The following DENND1B variants were observed in gnomAD, a reference collection of about 807,000 sequenced individuals.
DENND1B encodes DENN domain containing 1B, also known as DENN domain-containing protein 1B.
A neutral mutation model predicts 90.1 loss-of-function variants in DENND1B; 59 were observed. That is an observed-to-expected ratio of 0.65 (90% CI 0.53 to 0.81). DENND1B has a LOEUF of 0.81. Ranked by LOEUF, DENND1B falls within the 40% of genes least tolerant of loss-of-function variation. The pLI is 0.00. For synonymous variants in DENND1B, 337 were observed against 324.6 expected, an observed-to-expected ratio of 1.04 and a Z score of -0.41; for missense variants, 862 against 912.6, an observed-to-expected ratio of 0.94 and a Z score of 0.71.
chr1:197,752,654 T>C (rs185965143), intron 2 of DENND1B, among the ~76,000 whole-genome samples: 7 of 152,120 alleles, frequency 4.6e-5, no homozygotes. Context: ...TTCTTTATTA[T>C]TATTATACTT....
chr1:197,527,274 T>G (rs1417696632), intron 20 of DENND1B, among the ~76,000 whole-genome samples: 1 of 151,948 alleles, frequency 6.6e-6, no homozygotes, highest in Non-Finnish European at 1.5e-5. Flanking sequence ...TTCACTTAAC[T>G]TATTTCAAAA....
Position 197,506,371 on chromosome 1 carries a change from C to G in DENND1B, c.*4089G>C, listed in dbSNP as rs1203883363. On this transcript the variant is annotated 3_prime_UTR_variant, in exon 23 of 23. Coordinates refer to ENST00000620048, the MANE Select transcript of DENND1B (RefSeq NM_001195215.2). ...TTTGACCCAGGAACATTAGTACTGA[C>G]ATAGGGTTTGTAAAAACTATTTCCT... The G allele has an allele frequency of 6.6e-6, 1 of 151,474 alleles. No homozygotes were observed. The highest frequency in any genetic ancestry group is 1.5e-5 in the Non-Finnish European group (1 of 67,612). 9.4% of individuals were successfully genotyped at this position (151,474 alleles called of 1,614,324 possible).
chr1:197,505,032 TCTAA>T lies in DENND1B; in HGVS notation c.*5424_*5427del, dbSNP rs1667664787. The T allele has an allele frequency of 6.6e-6, 1 of 151,742 alleles. No homozygotes were observed. Among genetic ancestry groups the T allele is most frequent in the Non-Finnish European group, 1.5e-5 (1 of 67,844 alleles). The allele number at this position is 151,742 out of a possible 1,614,324, so 9.4% of individuals were successfully genotyped here. On this transcript the variant is annotated 3_prime_UTR_variant, in exon 23 of 23. Coordinates refer to ENST00000620048, the MANE Select transcript of DENND1B (RefSeq NM_001195215.2). ...TTCAGTCCTTTTAAATAGTTTTTCA[TCTAA>T]CGCAAGAGAAATAAACTTTGGAAAA... is the stretch of plus-strand genomic sequence containing the variant.
chr1:197,750,636 TAAGAC>T (rs1266568806), intron 2 of DENND1B, among the ~76,000 whole-genome samples: 3 of 151,456 alleles, frequency 2.0e-5, no homozygotes, highest in Non-Finnish European at 4.4e-5. Flanking sequence ...AGTTTAGACA[TAAGAC>T]AATTTAGAAA....
chr1:197,583,013 G>A (rs374947073), intron 15 of DENND1B, 139 bp downstream of exon 15: 17 of 689,358 alleles, frequency 2.5e-5, no homozygotes, highest in South Asian at 8.3e-5. Context: ...AACTAGCTAC[G>A]ACTTACAAAA....
At chr1:197,667,622 G>A (rs1260238921) in intron 5 of DENND1B, among the ~76,000 whole-genome samples, 3 of 151,980 alleles carry the variant, frequency 2.0e-5, no homozygotes, top group African/African-American at 7.2e-5. Context: ...TAGAGACGGG[G>A]TTTCTTGACC....
chr1:197,759,490 A>C (rs1385992285), intron 2 of DENND1B, among the ~76,000 whole-genome samples: 1 of 151,582 alleles, frequency 6.6e-6, no homozygotes, highest in African/African-American at 2.4e-5. Flanking sequence ...TTCCAAAATG[A>C]AAGTATCTGC....
chr1:197,676,800 A>G (rs1270808038), intron 3 of DENND1B, among the ~76,000 whole-genome samples: 2 of 152,154 alleles, frequency 1.3e-5, no homozygotes, highest in Non-Finnish European at 2.9e-5. Flanking sequence ...AGGACTGATG[A>G]AAATTTATAT....
intron 2 of DENND1B, chr1:197,734,073 C>G: frequency 1.0e-6 from 1 of 954,362 alleles, no homozygotes; most frequent in African/African-American, 1.8e-5. Flanking sequence ...AATTCTGCTA[C>G]TGTATTTTTC....
intron 14 of DENND1B, among the ~76,000 whole-genome samples, chr1:197,587,913 A>G (rs1165352272): frequency 1.3e-5 from 2 of 152,056 alleles, no homozygotes; most frequent in Admixed American, 6.6e-5. Context: ...ATCATCAGGC[A>G]TTAGATTCTC....
chr1:197,740,205 G>C (rs1437489297), intron 2 of DENND1B, among the ~76,000 whole-genome samples: 1 of 152,164 alleles, frequency 6.6e-6, no homozygotes, highest in Non-Finnish European at 1.5e-5. Flanking sequence ...AAGTGTATTA[G>C]AAGTAAACAA....
intron 18 of DENND1B, among the ~76,000 whole-genome samples, chr1:197,543,524 T>C (rs1670498925): frequency 6.6e-6 from 1 of 152,144 alleles, no homozygotes; most frequent in Non-Finnish European, 1.5e-5. Context: ...TAAATGAATG[T>C]GAGAAACAAG....
chr1:197,554,022 C>A (rs1671480052), intron 15 of DENND1B, among the ~76,000 whole-genome samples: 1 of 151,728 alleles, frequency 6.6e-6, no homozygotes, highest in African/African-American at 2.4e-5. Flanking sequence ...ATACCAGAAT[C>A]TCACAGTATT....
upstream of DENND1B, among the ~76,000 whole-genome samples, chr1:197,777,845 T>A (rs1482548096): frequency 6.6e-6 from 1 of 152,188 alleles, no homozygotes; most frequent in Non-Finnish European, 1.5e-5. Flanking sequence ...AAGACTTAAA[T>A]GTTGTATGTG....
At chr1:197,520,629 T>C (rs180670941) in intron 20 of DENND1B, among the ~76,000 whole-genome samples, 51 of 152,080 alleles carry the variant, frequency 3.4e-4, no homozygotes, top group African/African-American at 9.6e-5. Flanking sequence ...ACTAGTCATG[T>C]TGATGCTGTG....
chr1:197,693,315 A>C (rs1048716773), intron 3 of DENND1B, among the ~76,000 whole-genome samples: 2 of 151,688 alleles, frequency 1.3e-5, no homozygotes, highest in African/African-American at 2.4e-5. Flanking sequence ...TAATTGTTAA[A>C]AGGTAACAAA....
chr1:197,520,066 T>A (rs1419391234), intron 20 of DENND1B, among the ~76,000 whole-genome samples: 3 of 151,852 alleles, frequency 2.0e-5, no homozygotes, highest in African/African-American at 7.3e-5. Flanking sequence ...CAGGTCCTGA[T>A]AATGAAGAGC....
upstream of DENND1B, among the ~76,000 whole-genome samples, chr1:197,778,637 G>T (rs553761072): frequency 6.6e-6 from 1 of 151,466 alleles, no homozygotes; most frequent in South Asian, 2.1e-4. Context: ...AGATCATGCC[G>T]CTGCATTGCA....
Position 197,775,391 on chromosome 1 carries a change from C to T in DENND1B, c.-236G>A. On this transcript the variant is annotated 5_prime_UTR_variant, in exon 1 of 23. Transcript: ENST00000620048. ...GACAGCAGCGGTGGCGTGGCCGCCGCCCCCGTCTCCGCCGGTAGCCGCCAC... is the reference window on the plus strand; with the variant it reads ...GACAGCAGCGGTGGCGTGGCCGCCGTCCCCGTCTCCGCCGGTAGCCGCCAC... The T allele has an allele frequency of 3.0e-6, 1 of 332,656 alleles. No individual in the cohort carries two copies. Among genetic ancestry groups the T allele is most frequent in the Non-Finnish European group, 5.4e-6 (1 of 184,032 alleles). 20.6% of individuals were successfully genotyped at this position (332,656 alleles called of 1,614,324 possible). A position where few individuals can be genotyped will look rare whatever the true frequency, so the allele number is the denominator to read the frequency against.
Sources: gnomAD v4.1 joint callset for allele counts (sites outside exome capture counted in the v4.1 genomes callset) on GRCh38, gnomAD v4.1.1 for gene constraint, MANE v1.5 for transcripts, NCBI Gene and HGNC (gene_info 2026-07-23, HGNC 2026-07-21) for gene names.